Variants in IL21R observed in about 807,000 individuals in gnomAD.
The protein encoded by IL21R is interleukin 21 receptor, also known as interleukin-21 receptor.
A neutral mutation model predicts 41.3 loss-of-function variants in IL21R; 14 were observed. The ratio of observed to expected loss-of-function variants is 0.34; its 90% CI spans 0.22 to 0.53. The LOEUF is 0.53. Among genes scored for constraint, IL21R ranks in the 20% least tolerant of loss-of-function variants. The pLI is 0.94. For missense variants in IL21R, 588 were observed against 681.6 expected, an observed-to-expected ratio of 0.86 and a Z score of 1.53; for synonymous variants, 286 against 287.6, an observed-to-expected ratio of 0.99 and a Z score of 0.05.
intron 2 of IL21R, among the ~76,000 whole-genome samples, chr16:27,434,098 T>C (rs2087222566): frequency 6.6e-6 from 1 of 152,154 alleles, no homozygotes; most frequent in African/African-American, 2.4e-5. Flanking sequence ...TAGTTTTATA[T>C]TATTTGCCAT....
rs1230315909 is a variant in IL21R at position 27,450,172 on chromosome 16, G to A, written c.*889G>A. ...CCGTCCCGCCTGCAGAGGGCCACTC[G>A]GGGGGGTTTCCAGGCTTAAAATCAG... On this transcript the variant is annotated 3_prime_UTR_variant, in exon 9 of 9. Transcript: ENST00000337929. The A allele has an allele frequency of 1.3e-5, 3 of 231,920 alleles. No individual in the cohort carries two copies. The highest frequency in any genetic ancestry group is 5.6e-5 in the Admixed American group (1 of 17,728). The allele number at this position is 231,920 out of a possible 1,614,324, so 14.4% of individuals were successfully genotyped here. A position where few individuals can be genotyped will look rare whatever the true frequency, so the allele number is the denominator to read the frequency against.
At chr16:27,417,112 T>C (rs1381518897) in intron 1 of IL21R, among the ~76,000 whole-genome samples, 1 of 152,100 alleles carries the variant, frequency 6.6e-6, no homozygotes, top group Non-Finnish European at 1.5e-5. Flanking sequence ...CATTTCTTTC[T>C]GGACATATAT....
intron 8 of IL21R, among the ~76,000 whole-genome samples, chr16:27,446,455 C>T (rs144244375): frequency 1.6e-3 from 250 of 152,076 alleles, no homozygotes; most frequent in African/African-American, 5.1e-3. Flanking sequence ...ACTTAAAAAT[C>T]ATTCAAGTGA....
chr16:27,447,026 C>A (rs1341223932), intron 8 of IL21R, among the ~76,000 whole-genome samples: 1 of 152,174 alleles, frequency 6.6e-6, no homozygotes, highest in African/African-American at 2.4e-5. Context: ...CGCTGGACAC[C>A]CTTCCTGCCT....
Position 27,442,971 on chromosome 16 carries a change from C to T in IL21R, c.362C>T (p.Ala121Val). The T allele has an allele frequency of 1.9e-6, 3 of 1,584,188 alleles. No homozygotes were observed. Among genetic ancestry groups the T allele is most frequent in the South Asian group, 1.2e-5 (1 of 86,370 alleles). The change falls in exon 5 of 9, where the codon GCT becomes GTT. Residue 121 changes from alanine to valine, a missense_variant. Ala to Val is a moderately conservative substitution (Grantham distance 64). Transcript: ENST00000337929. Reference protein sequence around the residue: ...SFLLAESIKPAPPFNVTVTFS... With the variant: ...SFLLAESIKPVPPFNVTVTFS... ...GGGTTTTTCCACCAAGTCAAGCCGGCTCCCCCTTTCAACGTGACTGTGACC... is the reference window on the plus strand; with the variant it reads ...GGGTTTTTCCACCAAGTCAAGCCGGTTCCCCCTTTCAACGTGACTGTGACC...
At chr16:27,403,626 C>T (rs1006740426) in intron 1 of IL21R, among the ~76,000 whole-genome samples, 7 of 152,234 alleles carry the variant, frequency 4.6e-5, no homozygotes, top group African/African-American at 1.4e-4. Context: ...TACCCCCATC[C>T]TGGTGGAGCT....
chr16:27,443,021 T>C lies in IL21R; in HGVS notation c.412T>C (p.Trp138Arg). 7 of 1,614,026 alleles carry C rather than the reference T, an allele frequency of 4.3e-6. No individual in the cohort carries two copies. The highest frequency in any genetic ancestry group is 5.9e-6 in the Non-Finnish European group (7 of 1,179,930). ...CTTCTCAGGACAGTATAATATCTCCTGGCGCTCAGATTACGAAGACCCTGC... is the reference window on the plus strand; with the variant it reads ...CTTCTCAGGACAGTATAATATCTCCCGGCGCTCAGATTACGAAGACCCTGC... ...VTFSGQYNIS[W>R]RSDYEDPAFY... The change falls in exon 5 of 9, where the codon TGG (tryptophan) becomes CGG (arginine). Residue 138 changes from tryptophan (W) to arginine (R), a missense_variant. By Grantham distance (101) the Trp-to-Arg change is moderately radical (BLOSUM62 -3). Transcript: ENST00000337929.
intron 1 of IL21R, among the ~76,000 whole-genome samples, chr16:27,422,395 C>T (rs1307769338): frequency 6.6e-6 from 1 of 152,066 alleles, no homozygotes; most frequent in East Asian, 1.9e-4. Flanking sequence ...TCTTCTGCTT[C>T]TTAATTGCAA....
intron 1 of IL21R, among the ~76,000 whole-genome samples, chr16:27,407,892 C>T (rs1408411483): frequency 3.4e-5 from 2 of 58,600 alleles, no homozygotes; most frequent in Non-Finnish European, 5.5e-5. Flanking sequence ...TCTCAATCCC[C>T]TAAAGCTCCA....
chr16:27,411,700 G>T (rs2086826318), intron 1 of IL21R, among the ~76,000 whole-genome samples: 1 of 151,982 alleles, frequency 6.6e-6, no homozygotes. Flanking sequence ...CTGACCTCAG[G>T]TGATTCGCCC....
chr16:27,424,162 C>T (rs1019380383), intron 1 of IL21R, among the ~76,000 whole-genome samples: 1 of 152,114 alleles, frequency 6.6e-6, no homozygotes, highest in African/African-American at 2.4e-5. Context: ...GCAACCTCCA[C>T]CTCCCGGGTT....
intron 1 of IL21R, among the ~76,000 whole-genome samples, chr16:27,406,839 C>T (rs914442569): frequency 1.4e-4 from 21 of 152,212 alleles, no homozygotes; most frequent in Non-Finnish European, 2.9e-4. Flanking sequence ...GAGATACGGC[C>T]AAGTTCCCAC....
intron 2 of IL21R, among the ~76,000 whole-genome samples, chr16:27,430,991 T>C (rs947459497): frequency 1.3e-5 from 2 of 152,072 alleles, no homozygotes; most frequent in Admixed American, 6.6e-5. Flanking sequence ...AAAGCAGAAC[T>C]GGGAAGACCA....
intron 1 of IL21R, among the ~76,000 whole-genome samples, chr16:27,412,646 G>C (rs1433108480): frequency 1.3e-5 from 2 of 151,954 alleles, no homozygotes; most frequent in African/African-American, 4.8e-5. Context: ...TCACTTATCT[G>C]TGTTCTTTAA....
rs751495849 is a variant in IL21R at position 27,449,100 on chromosome 16, G to A, written c.1434G>A (p.Ala478=). The A allele has an allele frequency of 1.8e-5, 29 of 1,613,382 alleles. No individual in the cohort carries two copies. The highest frequency in any genetic ancestry group is 2.2e-5 in the South Asian group (2 of 91,080). The change falls in exon 9 of 9, where the codon GCG becomes GCA. Residue 478 remains alanine (A), a synonymous_variant. Coordinates refer to ENST00000337929, the MANE Select transcript of IL21R (RefSeq NM_181078.3). The stretch of plus-strand genomic sequence containing the variant: ...CTGGAGGGGTCTCAGAGAGTGAGGC[G>A]GGCTCACCCCTGGCCGGCCTGGATA... ...RSPGGVSESE[A]GSPLAGLDMD...
intron 4 of IL21R, among the ~76,000 whole-genome samples, chr16:27,442,424 C>A (rs1030879047): frequency 6.6e-6 from 1 of 152,126 alleles, no homozygotes; most frequent in Admixed American, 6.5e-5. Flanking sequence ...AGTGCAGTGG[C>A]GCAATCTTGG....
At chr16:27,442,154 G>C (rs1276747115) in intron 4 of IL21R, among the ~76,000 whole-genome samples, 1 of 152,166 alleles carries the variant, frequency 6.6e-6, no homozygotes, top group Non-Finnish European at 1.5e-5. Flanking sequence ...GCATTTGTGT[G>C]TGTGCATGCT....
At chr16:27,421,580 ATTTAC>A (rs1425242009) in intron 1 of IL21R, among the ~76,000 whole-genome samples, 3 of 152,084 alleles carry the variant, frequency 2.0e-5, no homozygotes, top group Admixed American at 6.5e-5. Context: ...ATTTTGTTAA[ATTTAC>A]TTTAACCATT....
At chr16:27,406,149 G>C (rs2086742304) in intron 1 of IL21R, among the ~76,000 whole-genome samples, 1 of 152,280 alleles carries the variant, frequency 6.6e-6, no homozygotes, top group Non-Finnish European at 1.5e-5. Context: ...ACTTTGGCCA[G>C]GGCCAGGGCG....
Sources: allele counts gnomAD v4.1 joint callset (sites outside exome capture counted in the v4.1 genomes callset), GRCh38; gene constraint gnomAD v4.1.1; transcripts MANE v1.5; gene names NCBI Gene and HGNC (gene_info 2026-07-23, HGNC 2026-07-21).